The following WWC1 variants were observed in gnomAD, a reference collection of about 807,000 sequenced individuals.
WWC1 encodes protein KIBRA.
A neutral mutation model predicts 138.4 loss-of-function variants in WWC1; 55 were observed. The ratio of observed to expected loss-of-function variants is 0.40; its 90% CI spans 0.32 to 0.50. The LOEUF is 0.50. WWC1 is among the 20% of genes least tolerant of loss of function. The probability of loss-of-function intolerance (pLI) is 0.72; values close to 1 mark genes in which losing one functional copy is unlikely to be tolerated. For missense variants in WWC1, 1,226 were observed against 1,420.4 expected, an observed-to-expected ratio of 0.86 and a Z score of 2.20; for synonymous variants, 524 against 564.9, an observed-to-expected ratio of 0.93 and a Z score of 1.03.
At chr5:168,456,216 A>G (rs921751526) in intron 19 of WWC1, among the ~76,000 whole-genome samples, 10 of 152,104 alleles carry the variant, frequency 6.6e-5, no homozygotes, top group Admixed American at 2.0e-4. Context: ...AGACAGGAGA[A>G]TTGCTTGAGC....
At chr5:168,304,444 C>T (rs1001577933) in intron 1 of WWC1, among the ~76,000 whole-genome samples, 1 of 152,162 alleles carries the variant, frequency 6.6e-6, no homozygotes, top group Non-Finnish European at 1.5e-5. Context: ...TACCAGCAGC[C>T]AGTGGAGGAC....
chr5:168,299,590 C>T (rs1396370723), intron 1 of WWC1, among the ~76,000 whole-genome samples: 4 of 152,184 alleles, frequency 2.6e-5, no homozygotes, highest in Admixed American at 6.5e-5. Context: ...CTCCCCCTCC[C>T]GGGGAGAGGG....
At chr5:168,453,899 G>A (rs1001926955) in intron 17 of WWC1, 69 bp from the exon 18 acceptor site, 2 of 1,595,878 alleles carry the variant, frequency 1.3e-6, no homozygotes, top group African/African-American at 1.4e-5. Context: ...TACCTTGGGT[G>A]TATTAAAGGC....
intron 1 of WWC1, among the ~76,000 whole-genome samples, chr5:168,339,344 G>T (rs972165573): frequency 2.0e-5 from 3 of 152,178 alleles, no homozygotes; most frequent in African/African-American, 7.2e-5. Context: ...CTAGCTAGTT[G>T]CCTTGGGGGA....
chr5:168,397,147 CT>C (rs551091855), intron 3 of WWC1, among the ~76,000 whole-genome samples: 218 of 143,278 alleles, frequency 1.5e-3, no homozygotes, highest in Admixed American at 2.7e-3. Context: ...TTAAATTATT[CT>C]TTTTTTTTTT....
intron 11 of WWC1, among the ~76,000 whole-genome samples, chr5:168,426,147 G>A (rs1392856446): frequency 6.6e-6 from 1 of 152,158 alleles, no homozygotes; most frequent in Non-Finnish European, 1.5e-5. Context: ...GAGTGCCAGT[G>A]GTTTCCTTAG....
chr5:168,343,599 G>A lies in WWC1; in HGVS notation c.120-27825G>A, dbSNP rs564256740. Among the ~76,000 whole-genome samples the A allele has an allele frequency of 1.6e-4, 24 of 152,220 alleles. No homozygotes were observed. The East Asian group carries it at 2.3e-3, about 15-fold the overall frequency. On this transcript the variant is annotated intron_variant, in intron 1 of 22. Transcript: ENST00000265293. ...AACACTTTGGGAGGCCGAGGTGGGC[G>A]GATCACAAAGTCAAGAGGTCAAGAC...
chr5:168,366,725 T>C (rs1280197908), intron 1 of WWC1, among the ~76,000 whole-genome samples: 3 of 151,256 alleles, frequency 2.0e-5, no homozygotes, highest in Non-Finnish European at 4.4e-5. Context: ...GGGGTTTCAG[T>C]CCCGTCCTCC....
intron 5 of WWC1, among the ~76,000 whole-genome samples, chr5:168,404,008 A>G (rs934901295): frequency 5.3e-5 from 8 of 151,662 alleles, no homozygotes; most frequent in Admixed American, 2.0e-4. Context: ...CTTCATCCCA[A>G]TAGTGTTCCC....
At position 168,453,982 on chromosome 5, in the gene WWC1, C is replaced by A. The variant is rs1242735303; in HGVS notation, c.2540C>A (p.Thr847Asn). The A allele has an allele frequency of 5.6e-6, 9 of 1,611,628 alleles. No homozygotes were observed. The highest frequency in any genetic ancestry group is 6.8e-6 in the Non-Finnish European group (8 of 1,179,692). The change falls in exon 18 of 23, where the codon ACC becomes AAC. Residue 847 changes from threonine to asparagine, a missense_variant. This residue lies in a region of WWC1 where 1,016 missense variants were observed against 1,153.9 expected (regional missense o/e 0.88). Transcript: ENST00000265293. ...TLEDSWRYEE[T>N]SENEAVAEEE... ...TGTCATCACAGGAGGTATGAGGAGA[C>A]CAGTGAGAATGAGGCAGTAGCCGAG...
chr5:168,405,639 A>G (rs17551539), intron 5 of WWC1, among the ~76,000 whole-genome samples: 26,387 of 151,602 alleles, frequency 0.17, 2,506 homozygotes, highest in Middle Eastern at 0.22. Flanking sequence ...GAGGACTGTG[A>G]CTTCATGAGC....
intron 22 of WWC1, among the ~76,000 whole-genome samples, chr5:168,468,502 A>G (rs2152898977): frequency 6.6e-6 from 1 of 152,322 alleles, no homozygotes; most frequent in African/African-American, 2.4e-5. Flanking sequence ...TGCTTTAAAA[A>G]AAAAAAAATT....
At chr5:168,308,398 T>A (rs536975376) in intron 1 of WWC1, among the ~76,000 whole-genome samples, 1 of 152,362 alleles carries the variant, frequency 6.6e-6, no homozygotes, top group African/African-American at 2.4e-5. Context: ...AGGATAAAGT[T>A]AGAAAGTTCT....
chr5:168,465,701 G>C (rs1209651729), intron 21 of WWC1, among the ~76,000 whole-genome samples: 1 of 151,600 alleles, frequency 6.6e-6, no homozygotes, highest in Non-Finnish European at 1.5e-5. Flanking sequence ...GTGTTGACAG[G>C]TGCATACCAA....
At chr5:168,365,328 G>C (rs1021145779) in intron 1 of WWC1, among the ~76,000 whole-genome samples, 8 of 152,142 alleles carry the variant, frequency 5.3e-5, no homozygotes, top group Non-Finnish European at 1.0e-4. Context: ...TTTAGAAAGT[G>C]ATCCCGCCCA....
chr5:168,319,210 A>G (rs536095457), intron 1 of WWC1, among the ~76,000 whole-genome samples: 52 of 152,184 alleles, frequency 3.4e-4, no homozygotes, highest in Admixed American at 1.7e-3. Context: ...ACCTGACGTC[A>G]GGAGTTTGAG....
chr5:168,454,189 A>G, intron 18 of WWC1, 89 bp downstream of exon 18: 2 of 1,541,804 alleles, frequency 1.3e-6, no homozygotes, highest in Non-Finnish European at 1.7e-6. Flanking sequence ...CTCAGAGCTA[A>G]GTCTTGGCTT....
intron 1 of WWC1, among the ~76,000 whole-genome samples, chr5:168,331,031 T>C (rs1772996511): frequency 6.6e-6 from 1 of 152,128 alleles, no homozygotes. Context: ...GAGGGGGTCA[T>C]GCTTCAGAAC....
chr5:168,430,737 C>T (rs575229014), intron 14 of WWC1, among the ~76,000 whole-genome samples: 40 of 152,338 alleles, frequency 2.6e-4, no homozygotes, highest in African/African-American at 9.6e-4. Flanking sequence ...GTGGGCTCCT[C>T]CCATGGTAGA....
Sources: gnomAD v4.1 joint callset for allele counts (sites outside exome capture counted in the v4.1 genomes callset) on GRCh38, gnomAD v4.1.1 for gene constraint, gnomAD v4.1.1 regional missense constraint, MANE v1.5 for transcripts, NCBI Gene and HGNC (gene_info 2026-07-23, HGNC 2026-07-21) for gene names.